The following RRP12 variants were observed in gnomAD, a reference collection of about 807,000 sequenced individuals.
RRP12 encodes ribosomal RNA processing 12 homolog, also known as RRP12-like protein.
A neutral mutation model predicts 157.3 loss-of-function variants in RRP12; 78 were observed. The ratio of observed to expected loss-of-function variants is 0.50; its 90% CI spans 0.41 to 0.60. The LOEUF (loss-of-function observed/expected upper bound fraction) is 0.60. RRP12 is among the 20% of genes least tolerant of loss of function. The pLI is 0.00. For missense variants in RRP12, 1,521 were observed against 1,679.9 expected, an observed-to-expected ratio of 0.91 and a Z score of 1.65; for synonymous variants, 726 against 670.9, an observed-to-expected ratio of 1.08 and a Z score of -1.27.
intron 1 of RRP12, among the ~76,000 whole-genome samples, chr10:97,400,866 C>CT (rs1191825349): frequency 6.6e-6 from 1 of 152,192 alleles, no homozygotes; most frequent in Non-Finnish European, 1.5e-5. Flanking sequence ...TGTCTCAACT[C>CT]TGACACCCGC....
At chr10:97,384,073 C>T (rs1045122109) in intron 10 of RRP12, among the ~76,000 whole-genome samples, 2 of 152,220 alleles carry the variant, frequency 1.3e-5, no homozygotes, top group Admixed American at 1.3e-4. Flanking sequence ...ACGTCCCCTC[C>T]ACCTCCGGCA....
chr10:97,367,197 G>C lies in RRP12; in HGVS notation c.2956-65C>G, dbSNP rs913640076. ...TCCATGCTGCGCCCCCTTTACTGCTGTCCAGCCCAGGGACGCAGCATGATC... is the reference window on the plus strand; with the variant it reads ...TCCATGCTGCGCCCCCTTTACTGCTCTCCAGCCCAGGGACGCAGCATGATC... On this transcript the variant is annotated intron_variant, in intron 25 of 33. Coordinates refer to ENST00000370992, the MANE Select transcript of RRP12 (RefSeq NM_015179.4). 4 of 1,380,608 alleles carry C rather than the reference G, an allele frequency of 2.9e-6. No individual in the cohort carries two copies. The African/African-American group carries it at 5.7e-5, about 20-fold the overall frequency. 85.5% of individuals were successfully genotyped at this position (1,380,608 alleles called of 1,614,324 possible). A position where few individuals can be genotyped will look rare whatever the true frequency, so the allele number is the denominator to read the frequency against.
intron 29 of RRP12, among the ~76,000 whole-genome samples, chr10:97,365,270 G>GT (rs2088603599): frequency 2.2e-5 from 3 of 138,292 alleles, no homozygotes; most frequent in Non-Finnish European, 4.7e-5. Flanking sequence ...GAAGACCTAG[G>GT]TGTTTTTTTT....
intron 15 of RRP12, among the ~76,000 whole-genome samples, chr10:97,374,994 C>T (rs998398306): frequency 3.9e-5 from 6 of 152,160 alleles, no homozygotes; most frequent in African/African-American, 1.4e-4. Context: ...CCCCAAGCCA[C>T]GAACTGTGGA....
intron 14 of RRP12, 68 bp downstream of exon 14, chr10:97,379,560 C>G: frequency 6.3e-7 from 1 of 1,598,956 alleles, no homozygotes; most frequent in East Asian, 2.2e-5. Context: ...CCCACAGCAG[C>G]AGACATCCTT....
At chr10:97,400,252 C>CATG (rs1845101933) in intron 2 of RRP12, 53 bp downstream of exon 2, 1 of 1,339,256 alleles carries the variant, frequency 7.5e-7, no homozygotes, top group African/African-American at 1.4e-5. Flanking sequence ...GAAGAAAAGG[C>CATG]ATGAGTTGGC....
rs1440535220 is a variant in RRP12, at chr10:97,370,793, G to A, written c.2506C>T (p.Arg836Cys). 3.7e-6 allele frequency: 6 copies of A among 1,613,836 alleles called. No individual in the cohort carries two copies. Among genetic ancestry groups the A allele is most frequent in the Middle Eastern group, 3.3e-4 (2 of 6,062 alleles). The part of the protein sequence containing the change: ...RSTSSPAKRP[R>C]LKCLLHIVRK... Reference sequence around the variant, plus strand: ...ACGATGTGTAGGAGGCACTTCAAACGGGGCTGTGGGCAAAGGGCTACCAGT... The same window carrying A: ...ACGATGTGTAGGAGGCACTTCAAACAGGGCTGTGGGCAAAGGGCTACCAGT... The change falls in exon 22 of 34, where the codon CGT (arginine) becomes TGT (cysteine). Residue 836 changes from arginine to cysteine, a missense_variant. Arg to Cys is a radical substitution (Grantham distance 180). Transcript: ENST00000370992.
chr10:97,392,538 C>G (rs1442081483), intron 4 of RRP12, among the ~76,000 whole-genome samples: 2 of 151,196 alleles, frequency 1.3e-5, no homozygotes, highest in South Asian at 4.2e-4. Flanking sequence ...TAGTAGAGAT[C>G]GGGTTTCACC....
intron 6 of RRP12, among the ~76,000 whole-genome samples, chr10:97,389,645 C>A (rs1202561351): frequency 6.6e-6 from 1 of 152,146 alleles, no homozygotes; most frequent in Non-Finnish European, 1.5e-5. Context: ...CCAGGAGGTG[C>A]GCCAGGCCTG....
chr10:97,374,582 C>G (rs1449766603), intron 15 of RRP12, among the ~76,000 whole-genome samples: 1 of 151,802 alleles, frequency 6.6e-6, no homozygotes, highest in Non-Finnish European at 1.5e-5. Flanking sequence ...ACCATCCTGG[C>G]TAACATGGTG....
Position 97,385,217 on chromosome 10 carries a change from G to C in RRP12, c.1157C>G (p.Pro386Arg). 6.2e-7 allele frequency: 1 copy of C among 1,614,136 alleles called. No individual in the cohort carries two copies. Among genetic ancestry groups the C allele is most frequent in the Non-Finnish European group, 8.5e-7 (1 of 1,179,990 alleles). Reference sequence around the variant, plus strand: ...CATGACCTTAAGCCAGGCTAGCAGGGGTTGTAAATCATTCTCACTGGGAAC... The same window carrying C: ...CATGACCTTAAGCCAGGCTAGCAGGCGTTGTAAATCATTCTCACTGGGAAC... ...DYVPSENDLQ[P>R]LLAWLKVMEK... Residue 386 changes from proline (P) to arginine (R), a missense_variant, in exon 10 of 34, where the codon CCC (proline) becomes CGC (arginine). By Grantham distance (103) the Pro-to-Arg change is moderately radical (BLOSUM62 -2). Transcript: ENST00000370992.
At chr10:97,367,958 C>T (rs1844036621) in intron 25 of RRP12, among the ~76,000 whole-genome samples, 1 of 151,920 alleles carries the variant, frequency 6.6e-6, no homozygotes, top group South Asian at 2.1e-4. Context: ...TCTTGAACTC[C>T]CAACCTCAGG....
chr10:97,384,160 C>T lies in RRP12; in HGVS notation c.1208+1006G>A, dbSNP rs1300422471. 2.0e-5 allele frequency among the ~76,000 whole-genome samples: 3 copies of T among 150,976 alleles called. No individual in the cohort carries two copies. The East Asian group carries it at 5.9e-4, about 29-fold the overall frequency. On this transcript the variant is annotated intron_variant, in intron 10 of 33. Transcript: ENST00000370992. Reference sequence around the variant, plus strand: ...CCTGAGCACCCCCAACCTCAGCAGCCAGGCCAGAGGCCCTGAGCATCCCCA... The same window carrying T: ...CCTGAGCACCCCCAACCTCAGCAGCTAGGCCAGAGGCCCTGAGCATCCCCA...
intron 33 of RRP12, 21 bp from the exon 34 acceptor site, chr10:97,357,217 A>G: frequency 3.3e-6 from 5 of 1,513,464 alleles, no homozygotes; most frequent in Non-Finnish European, 4.6e-6. Flanking sequence ...AAGGAACGGA[A>G]GGGTCACATC....
Position 97,358,579 on chromosome 10 carries a change from G to C in RRP12, c.3749C>G (p.Pro1250Arg). The change falls in exon 33 of 34, where the codon CCC (proline) becomes CGC (arginine). Residue 1250 changes from proline (P) to arginine (R), a missense_variant. Physicochemically the swap from Pro to Arg is moderately radical, Grantham distance 103. Transcript: ENST00000370992. ...GDVKKKGRPDPYAYIPLNRSK... is the reference protein window; with the variant it reads ...GDVKKKGRPDRYAYIPLNRSK... ...TCTGTTGAGGGGGATGTAGGCATAG[G>C]GATCCGGCCGGCCTTTCTTCTTCAC... 6.2e-7 allele frequency: 1 copy of C among 1,614,012 alleles called. No individual in the cohort carries two copies. The highest frequency in any genetic ancestry group is 8.5e-7 in the Non-Finnish European group (1 of 1,179,992).
intron 33 of RRP12, 45 bp from the exon 34 acceptor site, chr10:97,357,241 G>C: frequency 7.7e-7 from 1 of 1,294,690 alleles, no homozygotes. Context: ...CTGAGAATAG[G>C]AGGCCCCCTC....
intron 13 of RRP12, 32 bp downstream of exon 13, chr10:97,380,765 CTT>C (rs774537187): frequency 1.3e-6 from 2 of 1,502,986 alleles, no homozygotes; most frequent in Non-Finnish European, 1.9e-6. Context: ...GCCAGCACCA[CTT>C]CCTGCCCTGG....
At position 97,390,555 on chromosome 10, in the gene RRP12, A is replaced by G; in HGVS notation, c.637-16T>C. 1 of 1,588,654 alleles carries G rather than the reference A, an allele frequency of 6.3e-7. No homozygotes were observed. The highest frequency in any genetic ancestry group is 8.6e-7 in the Non-Finnish European group (1 of 1,157,566). On this transcript the variant is annotated splice_polypyrimidine_tract_variant and intron_variant, in intron 5 of 33. Coordinates refer to ENST00000370992, the MANE Select transcript of RRP12 (RefSeq NM_015179.4). ...AGGAAAGGACCTGGAAGAAAGTCAG[A>G]GTCCCTCAGTGCCACCAGCCTCGGC...
intron 9 of RRP12, among the ~76,000 whole-genome samples, chr10:97,385,465 G>C (rs1844603439): frequency 6.6e-6 from 1 of 151,790 alleles, no homozygotes; most frequent in Non-Finnish European, 1.5e-5. Context: ...CAGCCTCTAG[G>C]AGCAGCGGAG....
Sources: gnomAD v4.1 joint callset for allele counts (sites outside exome capture counted in the v4.1 genomes callset) on GRCh38, gnomAD v4.1.1 for gene constraint, MANE v1.5 for transcripts, NCBI Gene and HGNC (gene_info 2026-07-23, HGNC 2026-07-21) for gene names.